Variants in DLGAP2 observed in about 807,000 individuals in gnomAD.
DLGAP2 encodes disks large-associated protein 2.
Under a neutral mutation model 100.3 loss-of-function variants are expected in DLGAP2, and 26 were observed. The observed-to-expected ratio is 0.26, with a 90% CI of 0.19 to 0.36. The LOEUF (loss-of-function observed/expected upper bound fraction) is 0.36. Among genes scored for constraint, DLGAP2 ranks in the 10% least tolerant of loss-of-function variants. The pLI is 1.00. For missense variants in DLGAP2, 1,858 were observed against 1,453.2 expected (o/e 1.28, Z -4.53); for synonymous variants, 886 against 630.1 (o/e 1.41, Z -6.08).
At chr8:1,321,141 G>A (rs1236269212) in intron 3 of DLGAP2, among the ~76,000 whole-genome samples, 1 of 152,090 alleles carries the variant, frequency 6.6e-6, no homozygotes, top group Non-Finnish European at 1.5e-5. Context: ...GTCTCTGCAT[G>A]TGTGCATGCA....
intron 2 of DLGAP2, among the ~76,000 whole-genome samples, chr8:966,327 A>G (rs4735833): frequency 0.075 from 11,384 of 152,250 alleles, 592 homozygotes; most frequent in Admixed American, 0.14. Context: ...AGAAAGAGAA[A>G]ACGGATGACA....
chr8:1,139,127 C>A (rs555935182), intron 2 of DLGAP2, among the ~76,000 whole-genome samples: 1 of 152,184 alleles, frequency 6.6e-6, no homozygotes, highest in Non-Finnish European at 1.5e-5. Flanking sequence ...CGCCTGCTGC[C>A]GGCCGCTGCG....
chr8:1,167,858 C>T (rs372185350), intron 2 of DLGAP2, among the ~76,000 whole-genome samples: 5 of 151,886 alleles, frequency 3.3e-5, no homozygotes, highest in East Asian at 3.9e-4. Flanking sequence ...TAGACAGACA[C>T]GTTAGCAAGT....
At chr8:1,382,389 C>G (rs1279015543) in intron 3 of DLGAP2, among the ~76,000 whole-genome samples, 1 of 152,180 alleles carries the variant, frequency 6.6e-6, no homozygotes, top group Non-Finnish European at 1.5e-5. Flanking sequence ...TGGACTCCAG[C>G]AGTTCCAACC....
chr8:1,344,114 T>TTCTGGGCCCTGTCGTGGGTCCGTGTAC (rs1554447134), intron 3 of DLGAP2, among the ~76,000 whole-genome samples: 1 of 36,894 alleles, frequency 2.7e-5, no homozygotes, highest in East Asian at 2.4e-3. Context: ...GGTCCATGTA[T>TTCTGGGCCCTGTCGTGGGTCCGTGTAC]TCGGGGCCCT....
At chr8:1,467,107 G>C (rs1798647546) in intron 3 of DLGAP2, among the ~76,000 whole-genome samples, 1 of 151,822 alleles carries the variant, frequency 6.6e-6, no homozygotes, top group South Asian at 2.1e-4. Context: ...GATCCAGCCA[G>C]AGGGAGGGAG....
At chr8:1,556,464 G>A (rs572826299) in intron 5 of DLGAP2, among the ~76,000 whole-genome samples, 21 of 152,218 alleles carry the variant, frequency 1.4e-4, no homozygotes, top group African/African-American at 4.3e-4. Context: ...GGCGGAGTCC[G>A]GCTCTGTTCT....
At chr8:1,324,530 A>G (rs1341720800) in intron 3 of DLGAP2, among the ~76,000 whole-genome samples, 1 of 152,150 alleles carries the variant, frequency 6.6e-6, no homozygotes, top group Non-Finnish European at 1.5e-5. Flanking sequence ...CCATTAACAC[A>G]TTGCTCAGGA....
At chr8:1,490,491 A>G (rs752570220) in intron 3 of DLGAP2, among the ~76,000 whole-genome samples, 7 of 152,238 alleles carry the variant, frequency 4.6e-5, no homozygotes, top group Non-Finnish European at 7.3e-5. Context: ...TTGTGTGACA[A>G]AGACACTGAG....
chr8:1,340,166 A>G (rs1801386751), intron 3 of DLGAP2, among the ~76,000 whole-genome samples: 1 of 152,232 alleles, frequency 6.6e-6, no homozygotes, highest in African/African-American at 2.4e-5. Context: ...CATTCTGGAC[A>G]TGGGAACTGG....
At chr8:1,572,142 G>A (rs1802735738) in intron 6 of DLGAP2, among the ~76,000 whole-genome samples, 1 of 115,688 alleles carries the variant, frequency 8.6e-6, no homozygotes, top group Non-Finnish European at 1.8e-5. Context: ...GCATCTTCTG[G>A]GATGGAGAGG....
chr8:1,561,047 A>C (rs1473103217), intron 5 of DLGAP2, among the ~76,000 whole-genome samples: 1 of 152,118 alleles, frequency 6.6e-6, no homozygotes, highest in African/African-American at 2.4e-5. Context: ...TGACTGAATC[A>C]TGGGGTGGGT....
chr8:767,262 T>G (rs554487449), intron 1 of DLGAP2, among the ~76,000 whole-genome samples: 1 of 151,412 alleles, frequency 6.6e-6, no homozygotes, highest in Non-Finnish European at 1.5e-5. Context: ...ACCAGCCTGG[T>G]GAGCCACAGT....
chr8:1,156,650 C>CCAGCTCAGCGCCT, intron 2 of DLGAP2, among the ~76,000 whole-genome samples: 1 of 152,210 alleles, frequency 6.6e-6, no homozygotes, highest in South Asian at 2.1e-4. Flanking sequence ...GCTCAGCGCC[C>CCAGCTCAGCGCCT]CAGCCCAGCG....
rs146988214 is a variant in DLGAP2, at chr8:838,080, T to C, written c.19-69832T>C. On this transcript the variant is annotated intron_variant, in intron 1 of 14. Transcript: ENST00000637795. ...AACAAATGTTAAATTAGCTACTCTG[T>C]GTGGATCCTGTAGTGTGGACGATGG... Among the ~76,000 whole-genome samples, 885 of 152,154 alleles carry C rather than the reference T, an allele frequency of 5.8e-3. 4 individuals carry two copies. Among genetic ancestry groups the C allele is most frequent in the Non-Finnish European group, 7.5e-3 (509 of 68,002 alleles).
chr8:1,605,191 C>T lies in DLGAP2; in HGVS notation c.1443-21549C>T, dbSNP rs1010499456. Among the ~76,000 whole-genome samples the T allele has an allele frequency of 5.9e-5, 9 of 152,132 alleles. No individual in the cohort carries two copies. The East Asian group carries it at 7.7e-4, about 13-fold the overall frequency. On this transcript the variant is annotated intron_variant, in intron 6 of 14. Coordinates refer to ENST00000637795, the MANE Select transcript of DLGAP2 (RefSeq NM_001346810.2). ...CATCCGTGACTTACCCAGGTTCATACGGTGAGGATGCACAGAACCGAATGC... is the reference window on the plus strand; with the variant it reads ...CATCCGTGACTTACCCAGGTTCATATGGTGAGGATGCACAGAACCGAATGC...
intron 6 of DLGAP2, among the ~76,000 whole-genome samples, chr8:1,624,765 G>A (rs1339677233): frequency 6.6e-6 from 1 of 151,880 alleles, no homozygotes; most frequent in Admixed American, 6.6e-5. Flanking sequence ...AGCGGGAGTC[G>A]GCGGGCATCG....
chr8:1,248,735 A>G (rs13258228), intron 2 of DLGAP2: 113,872 of 132,818 alleles, frequency 0.86, 49,049 homozygotes, highest in Middle Eastern at 0.93. Flanking sequence ...CGGATGCCCC[A>G]TAGGTGGAAG....
rs1563144339 is a variant in DLGAP2, at chr8:1,013,662, GCCTCCACT to G, written c.73+105697_73+105704del. 2.4e-4 allele frequency among the ~76,000 whole-genome samples: 29 copies of G among 120,230 alleles called. 1 individual carries two copies. The highest frequency in any genetic ancestry group is 7.4e-4 in the African/African-American group (17 of 23,120). 78.9% of individuals were successfully genotyped at this position (120,230 alleles called of 152,430 possible). On this transcript the variant is annotated intron_variant, in intron 2 of 14. Transcript: ENST00000637795. ...CACTGTGTGTGTGACCAGGACAGAC[GCCTCCACT>G]GTGTGAGACCAGGACAGACGATGCC...
Sources: gnomAD v4.1 joint callset for allele counts (sites outside exome capture counted in the v4.1 genomes callset) on GRCh38, gnomAD v4.1.1 for gene constraint, MANE v1.5 for transcripts, NCBI Gene and HGNC (gene_info 2026-07-23, HGNC 2026-07-21) for gene names.